Variants in KDM6A observed in about 807,000 individuals in gnomAD.
KDM6A encodes the protein lysine demethylase 6A.
A neutral mutation model predicts 117.6 loss-of-function variants in KDM6A; 11 were observed. The ratio of observed to expected loss-of-function variants is 0.09; its 90% CI spans 0.06 to 0.15. The LOEUF is 0.15. KDM6A is among the 10% of genes least tolerant of loss of function. The pLI, the probability that KDM6A is intolerant of heterozygous loss-of-function variation, is 1.00. For missense variants in KDM6A, 799 were observed against 1,077.3 expected, an observed-to-expected ratio of 0.74 and a Z score of 3.62; for synonymous variants, 384 against 396.1, an observed-to-expected ratio of 0.97 and a Z score of 0.36.
chrX:45,022,266 C>T (rs954394218), intron 6 of KDM6A, among the ~76,000 whole-genome samples: 10 of 111,910 alleles, frequency 8.9e-5, no homozygotes, highest in African/African-American at 3.2e-4. Context: ...GTTTCATGGC[C>T]GATTGAAAGT....
chrX:44,873,263 T>G lies in KDM6A; in HGVS notation c.-289T>G, dbSNP rs1362308451. ...CTCAGTGCTCCCCAGCCCCGCGCGCTCCGGCCGTTCCCGCCGTCCCCGCCT... is the reference window on the plus strand; with the variant it reads ...CTCAGTGCTCCCCAGCCCCGCGCGCGCCGGCCGTTCCCGCCGTCCCCGCCT... On this transcript the variant is annotated 5_prime_UTR_variant, in exon 1 of 30. Transcript: ENST00000611820. The G allele has an allele frequency of 8.9e-6, 3 of 336,220 alleles. No individual in the cohort carries two copies. In the Admixed American group the frequency reaches 1.9e-4, roughly 21 times the overall value. 27.7% of individuals were successfully genotyped at this position (336,220 alleles called of 1,213,427 possible). A position where few individuals can be genotyped will look rare whatever the true frequency, so the allele number is the denominator to read the frequency against.
chrX:44,876,149 C>T (rs2031516999), intron 2 of KDM6A, among the ~76,000 whole-genome samples: 1 of 111,536 alleles, frequency 9.0e-6, no homozygotes, highest in Non-Finnish European at 1.9e-5. Context: ...AGACTCAGTG[C>T]TTGTGAGGTG....
chrX:45,093,925 C>T (rs897430666), intron 27 of KDM6A, among the ~76,000 whole-genome samples: 21 of 110,829 alleles, frequency 1.9e-4, no homozygotes, highest in African/African-American at 6.6e-4. Flanking sequence ...CTTATCTATA[C>T]TCCATTTTGC....
intron 27 of KDM6A, among the ~76,000 whole-genome samples, chrX:45,094,422 C>T (rs1362965086): frequency 1.8e-5 from 2 of 111,585 alleles, no homozygotes; most frequent in Non-Finnish European, 3.8e-5. Flanking sequence ...AGCACTTAAG[C>T]CAGCTTAAAA....
intron 4 of KDM6A, among the ~76,000 whole-genome samples, chrX:44,980,069 T>TGGAGTG: frequency 9.5e-6 from 1 of 105,443 alleles, no homozygotes; most frequent in Non-Finnish European, 1.9e-5. Context: ...CGATCTTGGC[T>TGGAGTG]CACTGCAACC....
intron 2 of KDM6A, among the ~76,000 whole-genome samples, chrX:44,922,725 T>C (rs2036041480): frequency 8.9e-6 from 1 of 112,930 alleles, no homozygotes; most frequent in African/African-American, 3.2e-5. Flanking sequence ...CGCCTCAGCC[T>C]CCCAAAGTGC....
intron 4 of KDM6A, among the ~76,000 whole-genome samples, chrX:45,003,273 T>C (rs2041241073): frequency 9.0e-6 from 1 of 111,063 alleles, no homozygotes; most frequent in Non-Finnish European, 1.9e-5. Flanking sequence ...TCTATCGTCC[T>C]GTCCTGAAGG....
At chrX:44,949,561 A>G (rs906371542) in intron 2 of KDM6A, among the ~76,000 whole-genome samples, 1 of 111,061 alleles carries the variant, frequency 9.0e-6, no homozygotes, top group African/African-American at 3.3e-5. Context: ...TCATATGTTC[A>G]AGAAATAAAT....
Position 44,934,580 on chromosome X carries a change from T to C in KDM6A, c.226-26704T>C, listed in dbSNP as rs148832235. Among the ~76,000 whole-genome samples the C allele has an allele frequency of 4.6e-4, 51 of 111,733 alleles. No individual in the cohort carries two copies. The East Asian group carries it at 0.013, about 29-fold the overall frequency. ...TATGTTGGATTAAGCTTTTCATTAT[T>C]TGGTGTTAACTTCATGGGAAAAAAT... On this transcript the variant is annotated intron_variant, in intron 2 of 29. Transcript: ENST00000611820.
intron 7 of KDM6A, among the ~76,000 whole-genome samples, chrX:45,036,480 A>G (rs1051583357): frequency 1.8e-5 from 2 of 112,100 alleles, no homozygotes; most frequent in African/African-American, 6.5e-5. Context: ...GAAATTCAGG[A>G]TCCAGTACTG....
rs889856930 is a variant in KDM6A at position 45,043,011 on chromosome X, C to G, written c.654+5322C>G. ...GTTTGAAAGGCAAAAAGGTCGTGGC[C>G]GAGCGCAGTGGTTCATGCCTGTAAT... On this transcript the variant is annotated intron_variant, in intron 8 of 29. Coordinates refer to ENST00000611820, the MANE Select transcript of KDM6A (RefSeq NM_001291415.2). Among the ~76,000 whole-genome samples, 3 of 112,593 alleles carry G rather than the reference C, an allele frequency of 2.7e-5. No individual in the cohort carries two copies. In the Admixed American group the frequency reaches 2.8e-4, roughly 11 times the overall value.
At chrX:45,078,664 AGT>A (rs1453548740) in intron 20 of KDM6A, among the ~76,000 whole-genome samples, 159 bp downstream of exon 20, 1 of 104,894 alleles carries the variant, frequency 9.5e-6, no homozygotes, top group Non-Finnish European at 1.9e-5. Context: ...AATGAGAGAG[AGT>A]GTGTGTATCA....
At chrX:44,944,331 A>G (rs1344332503) in intron 2 of KDM6A, among the ~76,000 whole-genome samples, 1 of 111,522 alleles carries the variant, frequency 9.0e-6, no homozygotes, top group Non-Finnish European at 1.9e-5. Flanking sequence ...CAGCCTGGGC[A>G]ACAGAGTGAA....
intron 4 of KDM6A, among the ~76,000 whole-genome samples, chrX:44,988,396 T>G (rs189804895): frequency 5.4e-5 from 6 of 111,576 alleles, no homozygotes; most frequent in African/African-American, 2.0e-4. Flanking sequence ...ATCTGAAGCC[T>G]TCTTCTCTCA....
intron 27 of KDM6A, among the ~76,000 whole-genome samples, chrX:45,098,724 C>T (rs1166138071): frequency 8.9e-6 from 1 of 111,995 alleles, no homozygotes; most frequent in Non-Finnish European, 1.9e-5. Flanking sequence ...AAGGTATTAG[C>T]TGTTGAGTTT....
chrX:45,079,835 C>T (rs1029248797), intron 21 of KDM6A, among the ~76,000 whole-genome samples: 2 of 112,495 alleles, frequency 1.8e-5, no homozygotes, highest in Non-Finnish European at 3.8e-5. Flanking sequence ...CGTGAGCCAC[C>T]GCACCCACCC....
At chrX:45,022,350 A>C (rs1265871651) in intron 6 of KDM6A, among the ~76,000 whole-genome samples, 1 of 112,140 alleles carries the variant, frequency 8.9e-6, no homozygotes, top group Non-Finnish European at 1.9e-5. Flanking sequence ...AAGTCTAAAA[A>C]GTCAAGTCAT....
intron 2 of KDM6A, among the ~76,000 whole-genome samples, chrX:44,885,638 A>G (rs992673373): frequency 1.8e-4 from 20 of 110,636 alleles, no homozygotes; most frequent in Middle Eastern, 4.6e-3. Flanking sequence ...TCAGGGGCCA[A>G]GGCGGGCAGA....
intron 14 of KDM6A, 152 bp from the exon 15 acceptor site, chrX:45,061,172 T>C: frequency 2.7e-6 from 1 of 375,241 alleles, no homozygotes; most frequent in Non-Finnish European, 4.7e-6. Context: ...AATATGCATG[T>C]AAAATTATTT....
Sources: gnomAD v4.1 joint callset for allele counts (sites outside exome capture counted in the v4.1 genomes callset) on GRCh38, gnomAD v4.1.1 for gene constraint, MANE v1.5 for transcripts, NCBI Gene and HGNC (gene_info 2026-07-23, HGNC 2026-07-21) for gene names.